Variants in ELOVL6 observed in about 807,000 individuals in gnomAD.
ELOVL6 encodes ELOVL fatty acid elongase 6, also known as very long chain fatty acid elongase 6.
A neutral mutation model predicts 31.7 loss-of-function variants in ELOVL6; 8 were observed. The ratio of observed to expected loss-of-function variants is 0.25; its 90% CI spans 0.15 to 0.45. The LOEUF is 0.45. ELOVL6 is among the 20% of genes least tolerant of loss of function. The pLI is 1.00. For synonymous variants in ELOVL6, 101 were observed against 117.7 expected (o/e 0.86, Z 0.92); for missense variants, 126 against 326.4 (o/e 0.39, Z 4.73).
chr4:110,187,198 T>A (rs912761830), intron 1 of ELOVL6, among the ~76,000 whole-genome samples: 2 of 151,856 alleles, frequency 1.3e-5, no homozygotes, highest in Non-Finnish European at 2.9e-5. Flanking sequence ...CCTTTTCCTA[T>A]GGAAAACTCC....
intron 3 of ELOVL6, among the ~76,000 whole-genome samples, chr4:110,055,017 C>T (rs375440144): frequency 6.6e-6 from 1 of 152,162 alleles, no homozygotes; most frequent in Non-Finnish European, 1.5e-5. Flanking sequence ...ATTCAACACC[C>T]TATCAGGGTT....
At chr4:110,175,526 TAAC>T (rs1410358881) in intron 1 of ELOVL6, among the ~76,000 whole-genome samples, 6 of 152,200 alleles carry the variant, frequency 3.9e-5, no homozygotes, top group Admixed American at 1.3e-4. Context: ...ACATCAATGA[TAAC>T]AACATAACTA....
intron 2 of ELOVL6, among the ~76,000 whole-genome samples, chr4:110,100,617 G>A (rs1756714527): frequency 6.6e-6 from 1 of 152,150 alleles, no homozygotes; most frequent in Non-Finnish European, 1.5e-5. Flanking sequence ...AGAGCTAACA[G>A]GCAACCTTGA....
At chr4:110,141,505 G>A (rs375715299) in intron 1 of ELOVL6, among the ~76,000 whole-genome samples, 3 of 152,086 alleles carry the variant, frequency 2.0e-5, no homozygotes, top group South Asian at 4.2e-4. Context: ...TGTATCAGGA[G>A]ATCTAGGGAC....
chr4:110,106,836 C>CAACA (rs1756904761), intron 1 of ELOVL6, among the ~76,000 whole-genome samples: 1 of 152,106 alleles, frequency 6.6e-6, no homozygotes, highest in Non-Finnish European at 1.5e-5. Context: ...ATGCCTCTGA[C>CAACA]AACAGTACTG....
chr4:110,136,527 AAACT>A (rs2126259435), intron 1 of ELOVL6, among the ~76,000 whole-genome samples: 1 of 152,332 alleles, frequency 6.6e-6, no homozygotes, highest in Admixed American at 6.5e-5. Flanking sequence ...ACTTCCTTAC[AAACT>A]AACAACTTGA....
At chr4:110,053,028 G>A (rs1330600478) in intron 3 of ELOVL6, among the ~76,000 whole-genome samples, 1 of 152,124 alleles carries the variant, frequency 6.6e-6, no homozygotes, top group African/African-American at 2.4e-5. Context: ...TGATCTCCTG[G>A]GCTCAAGTGA....
chr4:110,148,109 C>CAAAAA (rs1157605540), intron 1 of ELOVL6, among the ~76,000 whole-genome samples: 102 of 54,954 alleles, frequency 1.9e-3, no homozygotes, highest in African/African-American at 5.8e-3. Context: ...AACTCGGTCT[C>CAAAAA]AAAAAAAAAA....
At chr4:110,113,830 A>G (rs1289136575) in intron 1 of ELOVL6, among the ~76,000 whole-genome samples, 2 of 152,240 alleles carry the variant, frequency 1.3e-5, no homozygotes, top group African/African-American at 2.4e-5. Flanking sequence ...AGAATTCAGA[A>G]GGTGGTTCCA....
intron 1 of ELOVL6, among the ~76,000 whole-genome samples, chr4:110,157,240 T>G (rs937701164): frequency 6.6e-6 from 1 of 152,176 alleles, no homozygotes; most frequent in Admixed American, 6.5e-5. Context: ...TAGGAGAAAC[T>G]GAAGCATAAT....
intron 1 of ELOVL6, among the ~76,000 whole-genome samples, chr4:110,123,385 A>T (rs905553902): frequency 1.3e-5 from 2 of 152,224 alleles, no homozygotes; most frequent in African/African-American, 4.8e-5. Flanking sequence ...ATTGAGTGCC[A>T]ACTGTGTGCT....
chr4:110,150,063 T>C (rs1225488252), intron 1 of ELOVL6, among the ~76,000 whole-genome samples: 1 of 152,070 alleles, frequency 6.6e-6, no homozygotes, highest in Non-Finnish European at 1.5e-5. Flanking sequence ...ACTTCATGCA[T>C]TTTATTTTTA....
intron 1 of ELOVL6, among the ~76,000 whole-genome samples, chr4:110,146,048 T>C (rs1331167705): frequency 6.6e-6 from 1 of 152,084 alleles, no homozygotes; most frequent in Non-Finnish European, 1.5e-5. Flanking sequence ...GCTAAAGCAA[T>C]AGCAGCAAAA....
At chr4:110,089,613 A>G (rs1756363679) in intron 2 of ELOVL6, among the ~76,000 whole-genome samples, 1 of 152,352 alleles carries the variant, frequency 6.6e-6, no homozygotes, top group African/African-American at 2.4e-5. Context: ...CCTAAGAGAT[A>G]GCATGCTATT....
intron 2 of ELOVL6, among the ~76,000 whole-genome samples, chr4:110,104,965 T>G (rs975172245): frequency 6.6e-6 from 1 of 152,214 alleles, no homozygotes; most frequent in East Asian, 1.9e-4. Flanking sequence ...CATAAACACA[T>G]GTCTGCAAGT....
chr4:110,090,600 C>CTTTTTTGTTTTTTTTTG (rs1553956743), intron 2 of ELOVL6, among the ~76,000 whole-genome samples: 16 of 103,714 alleles, frequency 1.5e-4, no homozygotes, highest in Admixed American at 7.5e-4. Context: ...GTTTGACTTT[C>CTTTTTTGTTTTTTTTTG]TTTTTTTTTT....
chr4:110,196,249 C>T (rs1212519214), intron 1 of ELOVL6, among the ~76,000 whole-genome samples: 1 of 152,180 alleles, frequency 6.6e-6, no homozygotes, highest in Non-Finnish European at 1.5e-5. Context: ...CAGGACGCAG[C>T]AAGTCAGAGA....
intron 1 of ELOVL6, among the ~76,000 whole-genome samples, chr4:110,120,654 A>C (rs550795995): frequency 2.0e-5 from 3 of 152,220 alleles, no homozygotes; most frequent in East Asian, 3.9e-4. Flanking sequence ...TGCACTTACT[A>C]TATTCTAGGT....
intron 1 of ELOVL6, among the ~76,000 whole-genome samples, chr4:110,148,409 A>G (rs1191872143): frequency 2.0e-5 from 3 of 151,428 alleles, no homozygotes; most frequent in Non-Finnish European, 4.4e-5. Context: ...CTCTGTTCCC[A>G]CTTATTTGTA....
Sources: gnomAD v4.1 joint callset for allele counts (sites outside exome capture counted in the v4.1 genomes callset) on GRCh38, gnomAD v4.1.1 for gene constraint, MANE v1.5 for transcripts, NCBI Gene and HGNC (gene_info 2026-07-23, HGNC 2026-07-21) for gene names.